Variants in CECR2 observed in about 807,000 individuals in gnomAD.
CECR2 encodes the protein chromatin remodeling regulator CECR2.
CECR2 carries 30 observed loss-of-function variants against 154.5 expected under a neutral mutation model. The ratio of observed to expected loss-of-function variants is 0.19; its 90% confidence interval spans 0.15 to 0.26. The LOEUF (loss-of-function observed/expected upper bound fraction) is 0.26, where lower values mean the gene tolerates loss of function less well. Ranked by LOEUF, CECR2 falls within the 10% of genes least tolerant of loss-of-function variation. The pLI, the probability that CECR2 is intolerant of heterozygous loss-of-function variation, is 1.00. For missense variants in CECR2, 1,743 were observed against 1,829.3 expected (o/e 0.95, Z 0.86); for synonymous variants, 725 against 683.7 (o/e 1.06, Z -0.94).
intron 8 of CECR2, 60 bp downstream of exon 8, chr22:17,511,956 C>T (rs893706161): frequency 1.6e-6 from 2 of 1,236,076 alleles, no homozygotes; most frequent in African/African-American, 3.0e-5. Flanking sequence ...GGATCCTTTT[C>T]ATGTACTTCC....
intron 1 of CECR2, among the ~76,000 whole-genome samples, chr22:17,377,023 G>A (rs1214099165): frequency 6.6e-6 from 1 of 152,172 alleles, no homozygotes; most frequent in Non-Finnish European, 1.5e-5. Flanking sequence ...AGATGACTGT[G>A]GGTTTCAGGT....
At chr22:17,497,173 T>C (rs1264643163) in intron 2 of CECR2, among the ~76,000 whole-genome samples, 2 of 152,016 alleles carry the variant, frequency 1.3e-5, no homozygotes, top group African/African-American at 2.4e-5. Context: ...TGCATGCCTG[T>C]GGTCCCAGGT....
At chr22:17,477,479 C>G in intron 1 of CECR2, 109 bp from the exon 2 acceptor site, 5 of 742,192 alleles carry the variant, frequency 6.7e-6, no homozygotes, top group Non-Finnish European at 1.2e-5. Context: ...GCAAGTCCTT[C>G]CGCTGCTGGG....
chr22:17,539,592 C>T (rs978866694), intron 13 of CECR2, among the ~76,000 whole-genome samples: 1 of 151,980 alleles, frequency 6.6e-6, no homozygotes, highest in East Asian at 1.9e-4. Flanking sequence ...GTGCAGCACA[C>T]CAGCATGGCA....
intron 1 of CECR2, among the ~76,000 whole-genome samples, chr22:17,470,592 G>A (rs1015398610): frequency 6.6e-5 from 10 of 152,112 alleles, no homozygotes; most frequent in South Asian, 4.1e-4. Flanking sequence ...CTGTTTATCC[G>A]TTAAAGATAC....
At chr22:17,518,877 CT>C in intron 8 of CECR2, 1 of 243,796 alleles carries the variant, frequency 4.1e-6, no homozygotes, top group Admixed American at 4.8e-5. Context: ...TCTTAGTATC[CT>C]TCCTTCTCCC....
In CECR2 at chr22:17,406,493, A is replaced by C. The variant is rs530759495; in HGVS notation, c.126+36584A>C. On this transcript the variant is annotated intron_variant, in intron 1 of 18. Transcript: ENST00000262608. ...AGTCGAGATTATACCACTGCACTCC[A>C]CCCTGGGGGGTGACAGAACAGGATT... Among the ~76,000 whole-genome samples the C allele has an allele frequency of 2.0e-5, 3 of 152,292 alleles. No individual in the cohort carries two copies. The East Asian group carries it at 5.8e-4, about 29-fold the overall frequency.
chr22:17,498,260 A>G (rs1250537793), intron 3 of CECR2, among the ~76,000 whole-genome samples: 1 of 152,220 alleles, frequency 6.6e-6, no homozygotes, highest in South Asian at 2.1e-4. Flanking sequence ...GCGTGGTGGC[A>G]GGCGCCTGTA....
intron 9 of CECR2, among the ~76,000 whole-genome samples, chr22:17,526,236 A>C (rs2056262395): frequency 6.6e-6 from 1 of 152,238 alleles, no homozygotes; most frequent in South Asian, 2.1e-4. Flanking sequence ...TGGAGGAATT[A>C]CCTGACTTCA....
Position 17,499,644 on chromosome 22 carries a change from A to G in CECR2, c.545+95A>G, listed in dbSNP as rs1390125351. The G allele has an allele frequency of 3.1e-6, 4 of 1,283,492 alleles. No individual in the cohort carries two copies. The East Asian group carries it at 8.0e-5, about 26-fold the overall frequency. 79.5% of individuals were successfully genotyped at this position (1,283,492 alleles called of 1,614,324 possible). On this transcript the variant is annotated intron_variant, in intron 4 of 18. Transcript: ENST00000262608. The stretch of plus-strand genomic sequence containing the variant: ...TTCTACAGCACAATTTTTTTTTCCT[A>G]ATGAAGGAATTCTCTAAGCATGCCT...
intron 1 of CECR2, among the ~76,000 whole-genome samples, chr22:17,378,737 T>A (rs2063150414): frequency 1.3e-5 from 2 of 152,292 alleles, no homozygotes; most frequent in Middle Eastern, 6.8e-3. Flanking sequence ...TACTTTAGTG[T>A]GTGAGGTAGA....
intron 9 of CECR2, among the ~76,000 whole-genome samples, chr22:17,535,193 C>T (rs998966725): frequency 2.6e-5 from 4 of 152,002 alleles, no homozygotes; most frequent in Non-Finnish European, 4.4e-5. Context: ...TGACAGACCC[C>T]TGTAGTCCCA....
intron 9 of CECR2, among the ~76,000 whole-genome samples, chr22:17,533,515 A>C (rs2056391320): frequency 6.6e-6 from 1 of 151,404 alleles, no homozygotes; most frequent in Admixed American, 6.6e-5. Flanking sequence ...CTGTAATCCC[A>C]GCTACCCGGG....
chr22:17,466,722 G>C (rs2055038977), intron 1 of CECR2, among the ~76,000 whole-genome samples: 1 of 151,942 alleles, frequency 6.6e-6, no homozygotes, highest in Admixed American at 6.6e-5. Flanking sequence ...AGCCTCCTGA[G>C]TAGATGGGAT....
intron 18 of CECR2, 61 bp from the exon 19 acceptor site, chr22:17,552,773 AG>A (rs370390881): frequency 2.5e-6 from 1 of 395,766 alleles, no homozygotes; most frequent in Non-Finnish European, 3.8e-6. Context: ...GGCTTACTTA[AG>A]TTTTTTTTTT....
At chr22:17,422,565 T>C (rs2054272275) in intron 1 of CECR2, among the ~76,000 whole-genome samples, 2 of 152,212 alleles carry the variant, frequency 1.3e-5, no homozygotes, top group Admixed American at 6.5e-5. Flanking sequence ...GTGTCTGACA[T>C]TAATTTGGAT....
intron 1 of CECR2, among the ~76,000 whole-genome samples, chr22:17,397,952 G>C (rs1222999683): frequency 1.3e-5 from 2 of 152,098 alleles, no homozygotes; most frequent in Non-Finnish European, 2.9e-5. Context: ...CATCATCTTT[G>C]TCAGTGGTCC....
In CECR2 at chr22:17,548,032, G is replaced by T; in HGVS notation, c.2861-116G>T. On this transcript the variant is annotated intron_variant, in intron 16 of 18. Transcript: ENST00000262608. ...TTTCAGGGACTCAAACAATTTCCAGGTGGGGCTTGAATCACCACACATCCA... is the reference window on the plus strand; with the variant it reads ...TTTCAGGGACTCAAACAATTTCCAGTTGGGGCTTGAATCACCACACATCCA... 10 of 961,610 alleles carry T rather than the reference G, an allele frequency of 1.0e-5. No individual in the cohort carries two copies. In the South Asian group the frequency reaches 1.8e-4, roughly 17 times the overall value. The allele number at this position is 961,610 out of a possible 1,614,324, so 59.6% of individuals were successfully genotyped here.
chr22:17,437,395 C>T (rs1255758368), intron 1 of CECR2, among the ~76,000 whole-genome samples: 2 of 152,112 alleles, frequency 1.3e-5, no homozygotes, highest in Admixed American at 1.3e-4. Flanking sequence ...CAGCCAACTG[C>T]TGAGAGTTGC....
Sources: allele counts gnomAD v4.1 joint callset (sites outside exome capture counted in the v4.1 genomes callset), GRCh38; gene constraint gnomAD v4.1.1; transcripts MANE v1.5; gene names NCBI Gene and HGNC (gene_info 2026-07-23, HGNC 2026-07-21).